CCL5: variants seen among roughly 807,000 people sequenced by gnomAD.
CCL5 encodes the protein C-C motif chemokine ligand 5.
In CCL5, 5 loss-of-function variants were observed where a neutral mutation model predicts 9.0. The observed-to-expected ratio is 0.55, with a 90% CI of 0.29 to 1.16. The LOEUF is 1.16. CCL5 is among the 50% of genes most tolerant of loss of function. The pLI is 0.08. For missense variants in CCL5, 183 were observed against 183.2 expected (o/e 1.00, Z 0.01); for synonymous variants, 66 against 72.0 (o/e 0.92, Z 0.42).
intron 2 of CCL5, 24 bp downstream of exon 2, chr17:35,878,504 G>A: frequency 3.3e-6 from 5 of 1,526,132 alleles, no homozygotes; most frequent in South Asian, 1.1e-5. Context: ...GGCTCTGGGA[G>A]GGCTCCATGG....
chr17:35,873,528 G>A (rs1260687266), intron 3 of CCL5, among the ~76,000 whole-genome samples: 4 of 152,148 alleles, frequency 2.6e-5, no homozygotes, highest in South Asian at 2.1e-4. Context: ...TTTAGACAAC[G>A]CAGTGCCTGG....
intron 3 of CCL5, among the ~76,000 whole-genome samples, chr17:35,873,191 C>CT (rs533742230): frequency 0.32 from 38,288 of 117,882 alleles, 6,176 homozygotes; most frequent in African/African-American, 0.51. Flanking sequence ...CGCCTGGCCT[C>CT]TTTTTTTTTT....
chr17:35,874,171 A>G (rs1451238491), intron 3 of CCL5, among the ~76,000 whole-genome samples: 2 of 152,098 alleles, frequency 1.3e-5, no homozygotes, highest in African/African-American at 2.4e-5. Flanking sequence ...TTTCCTGCAC[A>G]TTATTCTTAT....
rs371345027 is a variant in CCL5 at position 35,875,154 on chromosome 17, A to G, written c.270+407T>C. Among the ~76,000 whole-genome samples, 7 of 152,026 alleles carry G rather than the reference A, an allele frequency of 4.6e-5. No individual in the cohort carries two copies. In the South Asian group the frequency reaches 1.5e-3, roughly 32 times the overall value. The stretch of plus-strand genomic sequence containing the variant: ...TCACTCATTCATTCTTTGGTTTAAT[A>G]TTTTCATTCTTTCTCTATGCATGTA... On this transcript the variant is annotated intron_variant, in intron 3 of 3. Transcript: ENST00000651122.
At chr17:35,874,043 A>G (rs994076734) in intron 3 of CCL5, among the ~76,000 whole-genome samples, 3 of 152,102 alleles carry the variant, frequency 2.0e-5, no homozygotes, top group Non-Finnish European at 4.4e-5. Flanking sequence ...CTGCTGGGAA[A>G]CTGATTCTAC....
In CCL5 at chr17:35,872,405, T is replaced by G. The variant is rs753989105; in HGVS notation, c.330A>C (p.Gly110=). ...GCTCATCTCCAAAGAGTTGATGTAC[T>G]CCCGAACCCATTTCTTCTCTGGGTT... The change falls in exon 4 of 4, where the codon GGA becomes GGC. Residue 110 remains glycine, a synonymous_variant. Transcript: ENST00000651122. The G allele has an allele frequency of 1.2e-6, 2 of 1,613,850 alleles. No individual in the cohort carries two copies. The highest frequency in any genetic ancestry group is 8.5e-7 in the Non-Finnish European group (1 of 1,180,002).
At chr17:35,873,480 C>A (rs2088403659) in intron 3 of CCL5, among the ~76,000 whole-genome samples, 1 of 152,244 alleles carries the variant, frequency 6.6e-6, no homozygotes, top group Admixed American at 6.5e-5. Flanking sequence ...AGCCACCGCG[C>A]CTGGCCGAGA....
At chr17:35,872,486 G>A (rs1047733705) in intron 3 of CCL5, 22 bp from the exon 3 acceptor site, 6 of 1,609,698 alleles carry the variant, frequency 3.7e-6, no homozygotes, top group Admixed American at 1.7e-5. Context: ...GAGAAGAAGA[G>A]GGAGGATGAG....
At position 35,878,515 on chromosome 17, in the gene CCL5, G is replaced by T; in HGVS notation, c.188+13C>A. The T allele has an allele frequency of 6.3e-7, 1 of 1,586,740 alleles. No homozygotes were observed. Among genetic ancestry groups the T allele is most frequent in the Non-Finnish European group, 8.7e-7 (1 of 1,155,360 alleles). ...AACAGGCTCTGGGAGGGCTCCATGG[G>T]GCTGAGACTCACACGACTGCTGGGT... On this transcript the variant is annotated intron_variant, in intron 2 of 3. Coordinates refer to ENST00000651122, the MANE Select transcript of CCL5 (RefSeq NM_001278736.2).
chr17:35,873,089 C>T (rs2088394295), intron 3 of CCL5, among the ~76,000 whole-genome samples: 1 of 152,010 alleles, frequency 6.6e-6, no homozygotes, highest in African/African-American at 2.4e-5. Flanking sequence ...GGGGTTTTAC[C>T]ATGTTGGCCA....
intron 1 of CCL5, among the ~76,000 whole-genome samples, chr17:35,879,933 C>G (rs1280461068): frequency 2.0e-5 from 3 of 152,144 alleles, no homozygotes; most frequent in Admixed American, 1.3e-4. Context: ...CTACTCATGA[C>G]TACTAATCTC....
intron 2 of CCL5, among the ~76,000 whole-genome samples, chr17:35,877,498 T>C (rs1395020468): frequency 6.6e-6 from 1 of 152,264 alleles, no homozygotes; most frequent in African/African-American, 2.4e-5. Context: ...GACTTTGCTA[T>C]AGTAGAAAGA....
intron 1 of CCL5, among the ~76,000 whole-genome samples, chr17:35,879,384 C>T (rs2088483802): frequency 6.6e-6 from 1 of 152,260 alleles, no homozygotes; most frequent in Non-Finnish European, 1.5e-5. Context: ...CCTGTAATCC[C>T]AGCACTTTGG....
rs559737145 is a variant in CCL5 at position 35,873,333 on chromosome 17, G to A, written c.271-869C>T. Among the ~76,000 whole-genome samples the A allele has an allele frequency of 4.6e-5, 7 of 151,860 alleles. No individual in the cohort carries two copies. In the South Asian group the frequency reaches 1.5e-3, roughly 32 times the overall value. The stretch of plus-strand genomic sequence containing the variant: ...CTCCTGAGTAGTTGGGACTATAGGC[G>A]CCCCCCACCACGCCTGGCTAATTTT... On this transcript the variant is annotated intron_variant, in intron 3 of 3. Transcript: ENST00000651122.
intron 1 of CCL5, 102 bp downstream of exon 1, chr17:35,880,128 C>T (rs563741156): frequency 3.6e-6 from 3 of 843,344 alleles, no homozygotes; most frequent in African/African-American, 1.7e-5. Flanking sequence ...ATTCATGCTA[C>T]AGTTGAAAAG....
chr17:35,874,881 G>A (rs958220292), intron 3 of CCL5, among the ~76,000 whole-genome samples: 1 of 151,990 alleles, frequency 6.6e-6, no homozygotes, highest in Non-Finnish European at 1.5e-5. Flanking sequence ...CAAAGTACAG[G>A]GATCACAGAC....
At chr17:35,880,162 T>G (rs528080425) in intron 1 of CCL5, 68 bp downstream of exon 1, 5 of 1,246,700 alleles carry the variant, frequency 4.0e-6, no homozygotes, top group African/African-American at 1.5e-5. Flanking sequence ...GGACAGTCAT[T>G]GGGATGGGGT....
chr17:35,878,282 CAAAAAAAA>C (rs4013866), intron 2 of CCL5, among the ~76,000 whole-genome samples: 7 of 32,000 alleles, frequency 2.2e-4, no homozygotes, highest in African/African-American at 5.3e-4. Context: ...GACTCTGTCT[CAAAAAAAA>C]AAAAAAAAAA....
At chr17:35,873,250 C>T (rs567363801) in intron 3 of CCL5, among the ~76,000 whole-genome samples, 8 of 148,268 alleles carry the variant, frequency 5.4e-5, no homozygotes, top group East Asian at 2.0e-4. Flanking sequence ...TGCAGTGGCA[C>T]GATCTCAGCT....
Sources: gnomAD v4.1 joint callset for allele counts (sites outside exome capture counted in the v4.1 genomes callset) on GRCh38, gnomAD v4.1.1 for gene constraint, MANE v1.5 for transcripts, NCBI Gene and HGNC (gene_info 2026-07-23, HGNC 2026-07-21) for gene names.